Variants in SERINC1 observed in about 807,000 individuals in gnomAD.
SERINC1 encodes the protein serine incorporator 1.
In SERINC1, 38 loss-of-function variants were observed where a neutral mutation model predicts 52.9. The observed-to-expected ratio is 0.72, with a 90% CI of 0.55 to 0.94. The LOEUF is 0.94. SERINC1 is among the 40% of genes least tolerant of loss of function. The pLI, the probability that SERINC1 is intolerant of heterozygous loss-of-function variation, is 0.00. For synonymous variants in SERINC1, 198 were observed against 183.1 expected, an observed-to-expected ratio of 1.08 and a Z score of -0.66; for missense variants, 471 against 533.9, an observed-to-expected ratio of 0.88 and a Z score of 1.16.
rs1238907744 is a variant in SERINC1, at chr6:122,445,023, C to CT, written c.*20dup. On this transcript the variant is annotated 3_prime_UTR_variant, in exon 10 of 10. Transcript: ENST00000339697. ...CAAATAAGCAATAATCAAAGTGGGA[C>CT]TTTCATGCTAGAAGTCTCACTCAGT... 2.1e-5 allele frequency: 33 copies of CT among 1,602,560 alleles called. No individual in the cohort carries two copies. The highest frequency in any genetic ancestry group is 2.6e-5 in the Non-Finnish European group (30 of 1,175,520).
In SERINC1 at chr6:122,459,446, T is replaced by C. The variant is rs77472801; in HGVS notation, c.40-765A>G. ...ATTACAGCTCTAGGGGAAAAGAGTC[T>C]TAGATATCACAGTAAGGGAATGTTG... is the stretch of plus-strand genomic sequence containing the variant. On this transcript the variant is annotated intron_variant, in intron 1 of 9. Coordinates refer to ENST00000339697, the MANE Select transcript of SERINC1 (RefSeq NM_020755.4). Among the ~76,000 whole-genome samples, 248 of 152,260 alleles carry C rather than the reference T, an allele frequency of 1.6e-3. 2 individuals carry two copies. The East Asian group carries it at 0.034, about 21-fold the overall frequency.
chr6:122,469,722 TTTTTTTTTGTATTTTTAG>T, intron 1 of SERINC1, among the ~76,000 whole-genome samples: 1 of 149,560 alleles, frequency 6.7e-6, no homozygotes, highest in East Asian at 2.0e-4. Context: ...TACCCAGCTA[TTTTTTTTTGTATTTTTAG>T]TAGAGACGGG....
Position 122,446,892 on chromosome 6 carries a change from C to T in SERINC1, c.1108G>A (p.Asp370Asn), listed in dbSNP as rs200633097. ...RSDGSLEDGD[D>N]VHRAVDNERD... ...TCATTATCTACAGCTCGGTGAACATCGTCCCCATCCTCCAGTGATCCATCA... is the reference window on the plus strand; with the variant it reads ...TCATTATCTACAGCTCGGTGAACATTGTCCCCATCCTCCAGTGATCCATCA... Residue 370 changes from aspartate (D) to asparagine (N), a missense_variant, in exon 9 of 10, where the codon GAT becomes AAT. Physicochemically the swap from Asp to Asn is conservative, Grantham distance 23. Transcript: ENST00000339697. 14 of 1,613,014 alleles carry T rather than the reference C, an allele frequency of 8.7e-6. No individual in the cohort carries two copies. The African/African-American group carries it at 9.3e-5, about 11-fold the overall frequency.
chr6:122,458,254 T>G (rs996401302), intron 2 of SERINC1, among the ~76,000 whole-genome samples: 13 of 152,290 alleles, frequency 8.5e-5, no homozygotes, highest in African/African-American at 3.1e-4. Flanking sequence ...GAACATCCTT[T>G]TTTCCATGAC....
At chr6:122,460,127 T>C (rs901937924) in intron 1 of SERINC1, among the ~76,000 whole-genome samples, 5 of 152,120 alleles carry the variant, frequency 3.3e-5, no homozygotes, top group Admixed American at 3.3e-4. Context: ...AGTGCAGTGG[T>C]GCGATCTCAG....
Position 122,456,950 on chromosome 6 carries a change from T to C in SERINC1, c.202-300A>G, listed in dbSNP as rs1249317675. 2.6e-5 allele frequency among the ~76,000 whole-genome samples: 4 copies of C among 152,168 alleles called. No individual in the cohort carries two copies. The East Asian group carries it at 7.7e-4, about 29-fold the overall frequency. ...CTTGCATTCTACTTGAATAGCACGATAGACTTGTTTTAGTAGTGTAAGTGC... is the reference window on the plus strand; with the variant it reads ...CTTGCATTCTACTTGAATAGCACGACAGACTTGTTTTAGTAGTGTAAGTGC... On this transcript the variant is annotated intron_variant, in intron 2 of 9. Coordinates refer to ENST00000339697, the MANE Select transcript of SERINC1 (RefSeq NM_020755.4).
chr6:122,458,626 C>T lies in SERINC1; in HGVS notation c.95G>A (p.Gly32Glu). ...PCLLCRCCPS[G>E]NNSTVTRLIY... ...CAATCTAGTTACAGTGGAGTTGTTTCCACTAGGACAGCATCGGCATAGCAA... is the reference window on the plus strand; with the variant it reads ...CAATCTAGTTACAGTGGAGTTGTTTTCACTAGGACAGCATCGGCATAGCAA... Residue 32 changes from glycine to glutamate, a missense_variant, in exon 2 of 10, where the codon GGA (glycine) becomes GAA (glutamate). Gly to Glu is a moderately conservative substitution (Grantham distance 98). Transcript: ENST00000339697. 1 of 1,612,000 alleles carries T rather than the reference C, an allele frequency of 6.2e-7. No homozygotes were observed. The highest frequency in any genetic ancestry group is 8.5e-7 in the Non-Finnish European group (1 of 1,178,566).
chr6:122,458,800 T>A, intron 1 of SERINC1, 119 bp from the exon 2 acceptor site: 1 of 700,004 alleles, frequency 1.4e-6, no homozygotes, highest in South Asian at 2.3e-5. Context: ...TAAAAGTAAT[T>A]ACATCAAGGG....
chr6:122,471,728 C>A lies in SERINC1; in HGVS notation c.10G>T (p.Val4Phe), dbSNP rs779746396. 3.7e-5 allele frequency: 59 copies of A among 1,614,062 alleles called. No homozygotes were observed. The Admixed American group carries it at 9.7e-4, about 26-fold the overall frequency. MGS[V>F]LGLCSMASWI... ...CTCGCCATGGAGCACAGCCCCAGGA[C>A]GCTCCCCATCTCCACAACGTCACAA... Residue 4 changes from valine (V) to phenylalanine (F), a missense_variant, in exon 1 of 10, where the codon GTC becomes TTC. Coordinates refer to ENST00000339697, the MANE Select transcript of SERINC1 (RefSeq NM_020755.4).
chr6:122,460,280 C>T (rs1582635496), intron 1 of SERINC1, among the ~76,000 whole-genome samples: 1 of 152,100 alleles, frequency 6.6e-6, no homozygotes, highest in Non-Finnish European at 1.5e-5. Context: ...AGGGTTTCAC[C>T]ATGTTGGCCA....
intron 1 of SERINC1, among the ~76,000 whole-genome samples, chr6:122,470,793 T>C (rs1195772085): frequency 6.6e-6 from 1 of 152,092 alleles, no homozygotes; most frequent in Non-Finnish European, 1.5e-5. Context: ...AGAAAAGTGA[T>C]TTGAGTCCAA....
In SERINC1 at chr6:122,443,657, A is replaced by G. The variant is rs1305614399; in HGVS notation, c.*1387T>C. On this transcript the variant is annotated 3_prime_UTR_variant, in exon 10 of 10. Coordinates refer to ENST00000339697, the MANE Select transcript of SERINC1 (RefSeq NM_020755.4). ...CATCTTTTGAACTGTGTAGTATACT[A>G]TAAGCAGGAGTTTATTCTAAAACAT... The G allele has an allele frequency of 2.0e-5, 3 of 152,234 alleles. No homozygotes were observed. The highest frequency in any genetic ancestry group is 4.4e-5 in the Non-Finnish European group (3 of 68,036). 9.4% of individuals were successfully genotyped at this position (152,234 alleles called of 1,614,324 possible).
At chr6:122,464,402 AG>A (rs1775153293) in intron 1 of SERINC1, among the ~76,000 whole-genome samples, 1 of 152,180 alleles carries the variant, frequency 6.6e-6, no homozygotes, top group African/African-American at 2.4e-5. Flanking sequence ...CTTTTTGAGA[AG>A]GGGAAAAAAA....
chr6:122,449,206 C>CAAGTAA (rs781275481), intron 7 of SERINC1, among the ~76,000 whole-genome samples: 79 of 152,112 alleles, frequency 5.2e-4, no homozygotes, highest in Non-Finnish European at 7.1e-4. Flanking sequence ...TCTAACTGTT[C>CAAGTAA]AAGTAAAAGA....
chr6:122,453,618 A>G (rs530954933), intron 5 of SERINC1, 152 bp downstream of exon 5: 19 of 513,028 alleles, frequency 3.7e-5, no homozygotes, highest in Non-Finnish European at 4.9e-5. Context: ...TTGCTGATAC[A>G]ATGTGATATT....
At chr6:122,452,964 CTCAG>C (rs1562214105) in intron 5 of SERINC1, among the ~76,000 whole-genome samples, 1 of 152,112 alleles carries the variant, frequency 6.6e-6, no homozygotes, top group East Asian at 1.9e-4. Context: ...TTAGCTGAAA[CTCAG>C]TCATTTAGCA....
intron 4 of SERINC1, 103 bp downstream of exon 4, chr6:122,454,045 CACA>C: frequency 1.8e-6 from 2 of 1,130,036 alleles, no homozygotes; most frequent in Non-Finnish European, 2.5e-6. Context: ...AACACACACA[CACA>C]CACCCCCAAA....
rs1774914472 is a variant in SERINC1 at position 122,451,900 on chromosome 6, C to A, written c.747G>T (p.Leu249=). The change falls in exon 6 of 10, where the codon CTG becomes CTT. Residue 249 remains leucine (L), a synonymous_variant. Transcript: ENST00000339697. The part of the protein sequence containing the change: ...LCVGASVMSI[L]PKIQESQPRS... ...TTAAAGGGCATACTTGGATTTTTGG[C>A]AGTATAGACATTACAGAAGCACCAA... The A allele has an allele frequency of 1.3e-6, 2 of 1,527,742 alleles. No individual in the cohort carries two copies. The highest frequency in any genetic ancestry group is 2.2e-5 in the Admixed American group (1 of 45,388). The allele number at this position is 1,527,742 out of a possible 1,614,324, so 94.6% of individuals were successfully genotyped here. A position where few individuals can be genotyped will look rare whatever the true frequency, so the allele number is the denominator to read the frequency against.
intron 5 of SERINC1, among the ~76,000 whole-genome samples, chr6:122,453,465 G>C (rs944731984): frequency 2.6e-5 from 4 of 151,988 alleles, no homozygotes; most frequent in Non-Finnish European, 2.9e-5. Context: ...CCCATTGTAG[G>C]CTAGAAAATT....
Sources: gnomAD v4.1 joint callset for allele counts (sites outside exome capture counted in the v4.1 genomes callset) on GRCh38, gnomAD v4.1.1 for gene constraint, MANE v1.5 for transcripts, NCBI Gene and HGNC (gene_info 2026-07-23, HGNC 2026-07-21) for gene names.